The following FGF7 variants were observed in gnomAD, a reference collection of about 807,000 sequenced individuals.
FGF7 encodes the protein FGF-7.
Under a neutral mutation model 20.5 loss-of-function variants are expected in FGF7, and 6 were observed. That is an observed-to-expected ratio of 0.29 (90% CI 0.16 to 0.58). FGF7 has a LOEUF of 0.58. FGF7 is among the 20% of genes least tolerant of loss of function. FGF7 has a pLI of 0.90. For synonymous variants in FGF7, 64 were observed against 74.7 expected, an observed-to-expected ratio of 0.86 and a Z score of 0.74; for missense variants, 144 against 228.8, an observed-to-expected ratio of 0.63 and a Z score of 2.39.
intron 2 of FGF7, among the ~76,000 whole-genome samples, chr15:49,464,018 C>T (rs1361596628): frequency 6.6e-6 from 1 of 152,062 alleles, no homozygotes; most frequent in Non-Finnish European, 1.5e-5. Flanking sequence ...CTTTTTAAAA[C>T]CTGGCTTTGA....
At position 49,464,900 on chromosome 15, in the gene FGF7, T is replaced by C. The variant is rs77580514; in HGVS notation, c.287-18251T>C. ...ATGAATAAATGAATAACGTAAGACATACATGACATACCTAAAAAACATTTT... is the reference window on the plus strand; with the variant it reads ...ATGAATAAATGAATAACGTAAGACACACATGACATACCTAAAAAACATTTT... On this transcript the variant is annotated intron_variant, in intron 2 of 3. Transcript: ENST00000267843. 8.0e-3 allele frequency among the ~76,000 whole-genome samples: 1,211 copies of C among 152,272 alleles called. 18 individuals are homozygous for C. Among genetic ancestry groups the C allele is most frequent in the African/African-American group, 0.028 (1,173 of 41,554 alleles).
intron 2 of FGF7, among the ~76,000 whole-genome samples, chr15:49,443,914 T>C (rs933749578): frequency 7.4e-6 from 1 of 134,570 alleles, no homozygotes; most frequent in Non-Finnish European, 1.6e-5. Flanking sequence ...ACACTTTTTT[T>C]CCCTGAGAGT....
At chr15:49,426,634 G>C (rs2050154483) in intron 2 of FGF7, among the ~76,000 whole-genome samples, 1 of 151,768 alleles carries the variant, frequency 6.6e-6, no homozygotes. Context: ...TTATTTTATA[G>C]TTTGAAATAC....
In FGF7 at chr15:49,484,526, C is replaced by T; in HGVS notation, c.*22C>T. The T allele has an allele frequency of 1.6e-6, 2 of 1,288,468 alleles. No individual in the cohort carries two copies. The highest frequency in any genetic ancestry group is 2.1e-6 in the Non-Finnish European group (2 of 964,074). The allele number at this position is 1,288,468 out of a possible 1,614,324, so 79.8% of individuals were successfully genotyped here. Reference sequence around the variant, plus strand: ...TTAATTGCATATGGTATATAAAGAACCAGTTCCAGCAGGGAGATTTCTTTA... The same window carrying T: ...TTAATTGCATATGGTATATAAAGAATCAGTTCCAGCAGGGAGATTTCTTTA... On this transcript the variant is annotated 3_prime_UTR_variant, in exon 4 of 4. Transcript: ENST00000267843.
rs868781531 is a variant in FGF7, at chr15:49,486,234, C to T, written c.*1730C>T. ...TATGAAAAGGCTAGGTCAACAAAAA[C>T]AATAGATTCATTTAATTTTCCTGTG... On this transcript the variant is annotated 3_prime_UTR_variant, in exon 4 of 4. Coordinates refer to ENST00000267843, the MANE Select transcript of FGF7 (RefSeq NM_002009.4). The T allele has an allele frequency of 8.7e-4, 133 of 152,112 alleles. No individual in the cohort carries two copies. The highest frequency in any genetic ancestry group is 3.1e-3 in the African/African-American group (130 of 41,540). The allele number at this position is 152,112 out of a possible 1,614,324, so 9.4% of individuals were successfully genotyped here.
At chr15:49,480,173 A>T (rs2055798712) in intron 2 of FGF7, among the ~76,000 whole-genome samples, 1 of 152,212 alleles carries the variant, frequency 6.6e-6, no homozygotes, top group Admixed American at 6.5e-5. Context: ...TATTTTTTAA[A>T]TATGTCAAGC....
intron 2 of FGF7, among the ~76,000 whole-genome samples, chr15:49,447,692 G>A (rs562353166): frequency 4.6e-5 from 7 of 151,652 alleles, no homozygotes; most frequent in Non-Finnish European, 1.0e-4. Flanking sequence ...GGTAAAACAT[G>A]CAATCAATTC....
In FGF7 at chr15:49,445,364, A is replaced by G. The variant is rs189369699; in HGVS notation, c.286+20781A>G. ...TTAGCTCTTACTTATAAGTGAAAAC[A>G]TGCAGTATTTGGTTTTCTGTTCCTG... On this transcript the variant is annotated intron_variant, in intron 2 of 3. Coordinates refer to ENST00000267843, the MANE Select transcript of FGF7 (RefSeq NM_002009.4). Among the ~76,000 whole-genome samples, 598 of 151,758 alleles carry G rather than the reference A, an allele frequency of 3.9e-3. 4 individuals carry two copies. The highest frequency in any genetic ancestry group is 0.034 in the Middle Eastern group (10 of 294).
intron 2 of FGF7, among the ~76,000 whole-genome samples, chr15:49,451,101 A>G (rs2052687558): frequency 6.6e-6 from 1 of 152,108 alleles, no homozygotes; most frequent in Non-Finnish European, 1.5e-5. Context: ...TGACCTAGAA[A>G]AAGTATATCA....
rs1471798219 is a variant in FGF7 at position 49,463,996 on chromosome 15, G to A, written c.287-19155G>A. 4.6e-5 allele frequency among the ~76,000 whole-genome samples: 7 copies of A among 152,116 alleles called. 1 individual carries two copies. In the South Asian group the frequency reaches 6.2e-4, roughly 14 times the overall value. ...GATAAAGCTGATCTTTTTCATTGGC[G>A]GAGGTGAGACACTTTTTAAAACCTG... is the stretch of plus-strand genomic sequence containing the variant. On this transcript the variant is annotated intron_variant, in intron 2 of 3. Coordinates refer to ENST00000267843, the MANE Select transcript of FGF7 (RefSeq NM_002009.4).
intron 2 of FGF7, among the ~76,000 whole-genome samples, chr15:49,464,283 G>T (rs35240887): frequency 0.11 from 16,265 of 152,112 alleles, 1,237 homozygotes; most frequent in East Asian, 0.36. Context: ...CCCACCTCTA[G>T]TCTATCATGT....
At chr15:49,436,900 C>T (rs1023631831) in intron 2 of FGF7, among the ~76,000 whole-genome samples, 3 of 151,510 alleles carry the variant, frequency 2.0e-5, no homozygotes, top group Non-Finnish European at 4.4e-5. Flanking sequence ...GTAATATGAC[C>T]TAATGAATAC....
Position 49,484,400 on chromosome 15 carries a change from G to A in FGF7, c.481G>A (p.Gly161Arg). 4.4e-6 allele frequency: 7 copies of A among 1,593,948 alleles called. No individual in the cohort carries two copies. The highest frequency in any genetic ancestry group is 5.9e-6 in the Non-Finnish European group (7 of 1,177,998). Residue 161 changes from glycine (G) to arginine (R), a missense_variant, in exon 4 of 4, where the codon GGG becomes AGG. By Grantham distance (125) the Gly-to-Arg change is moderately radical. Coordinates refer to ENST00000267843, the MANE Select transcript of FGF7 (RefSeq NM_002009.4). ...ATCAGCTAAATGGACACACAACGGA[G>A]GGGAAATGTTTGTTGCCTTAAATCA... ...YASAKWTHNG[G>R]EMFVALNQKG...
At chr15:49,439,508 T>C (rs987771686) in intron 2 of FGF7, among the ~76,000 whole-genome samples, 2 of 151,796 alleles carry the variant, frequency 1.3e-5, no homozygotes, top group African/African-American at 4.8e-5. Flanking sequence ...ACGGACTAAC[T>C]ACCATGCATG....
At chr15:49,441,007 A>G (rs1451096133) in intron 2 of FGF7, among the ~76,000 whole-genome samples, 5 of 151,830 alleles carry the variant, frequency 3.3e-5, no homozygotes, top group Non-Finnish European at 7.4e-5. Flanking sequence ...TTAATGTTTT[A>G]TCTTTCAAAG....
rs142934136 is a variant in FGF7 at position 49,474,823 on chromosome 15, G to A, written c.287-8328G>A. Among the ~76,000 whole-genome samples, 22 of 152,188 alleles carry A rather than the reference G, an allele frequency of 1.4e-4. No individual in the cohort carries two copies. In the East Asian group the frequency reaches 3.3e-3, roughly 23 times the overall value. On this transcript the variant is annotated intron_variant, in intron 2 of 3. Transcript: ENST00000267843. ...GCCAGGGATCTAGGTTGCGTGCTCC[G>A]TACGAAAATCTCACTAATGCCTGAC...
intron 2 of FGF7, among the ~76,000 whole-genome samples, chr15:49,454,758 T>C (rs909040120): frequency 6.6e-6 from 1 of 152,068 alleles, no homozygotes; most frequent in African/African-American, 2.4e-5. Flanking sequence ...TATAGGCGCG[T>C]GCCACCATGC....
At chr15:49,452,878 A>C (rs1328023333) in intron 2 of FGF7, among the ~76,000 whole-genome samples, 1 of 152,218 alleles carries the variant, frequency 6.6e-6, no homozygotes, top group Non-Finnish European at 1.5e-5. Flanking sequence ...ATAAACAAAA[A>C]GATGATAAAA....
intron 2 of FGF7, among the ~76,000 whole-genome samples, chr15:49,444,810 C>T (rs2052029055): frequency 1.3e-5 from 2 of 151,650 alleles, no homozygotes; most frequent in African/African-American, 2.4e-5. Flanking sequence ...CATCTTGAAT[C>T]AATGTTTTTG....
Sources: allele counts gnomAD v4.1 joint callset (sites outside exome capture counted in the v4.1 genomes callset), GRCh38; gene constraint gnomAD v4.1.1; transcripts MANE v1.5; gene names NCBI Gene and HGNC (gene_info 2026-07-23, HGNC 2026-07-21).